NKAIN2: variants seen among roughly 807,000 people sequenced by gnomAD.
NKAIN2 encodes the protein sodium/potassium transporting ATPase interacting 2, also known as sodium/potassium-transporting ATPase subunit beta-1-interacting protein 2.
Under a neutral mutation model 32.6 loss-of-function variants are expected in NKAIN2, and 14 were observed. The observed-to-expected ratio is 0.43, with a 90% CI of 0.28 to 0.67. The LOEUF is 0.67. NKAIN2 is among the 30% of genes least tolerant of loss of function. The pLI is 0.17. For synonymous variants in NKAIN2, 80 were observed against 87.2 expected (o/e 0.92, Z 0.46); for missense variants, 198 against 258.3 (o/e 0.77, Z 1.60).
chr6:124,013,129 G>A (rs1780412820), intron 1 of NKAIN2, among the ~76,000 whole-genome samples: 2 of 151,946 alleles, frequency 1.3e-5, no homozygotes, highest in African/African-American at 2.4e-5. Context: ...GACTTTCCTG[G>A]TAAATTGTTT....
intron 1 of NKAIN2, among the ~76,000 whole-genome samples, chr6:124,270,224 A>G (rs1317746290): frequency 2.6e-5 from 4 of 152,184 alleles, no homozygotes; most frequent in Non-Finnish European, 5.9e-5. Context: ...ACTGCCTCAA[A>G]TGGGTGGAGG....
At chr6:124,796,770 T>C (rs1384250874) in intron 5 of NKAIN2, among the ~76,000 whole-genome samples, 1 of 152,160 alleles carries the variant, frequency 6.6e-6, no homozygotes, top group Non-Finnish European at 1.5e-5. Flanking sequence ...ATATATTTGT[T>C]CATGAAAAGG....
chr6:124,105,112 A>G (rs1289576685), intron 1 of NKAIN2, among the ~76,000 whole-genome samples: 1 of 152,228 alleles, frequency 6.6e-6, no homozygotes, highest in Non-Finnish European at 1.5e-5. Context: ...AGGATGATAT[A>G]GCCGTGTGTG....
intron 1 of NKAIN2, among the ~76,000 whole-genome samples, chr6:124,124,344 A>G (rs2114994207): frequency 7.8e-6 from 1 of 128,550 alleles, no homozygotes; most frequent in East Asian, 2.4e-4. Flanking sequence ...TGAAGAGTAT[A>G]TAAATTATTG....
chr6:124,125,650 G>A (rs1430494922), intron 1 of NKAIN2, among the ~76,000 whole-genome samples: 1 of 152,126 alleles, frequency 6.6e-6, no homozygotes, highest in African/African-American at 2.4e-5. Context: ...CAAGCCACAT[G>A]TTATCTGTAC....
At chr6:124,309,562 ATAT>A (rs1232015107) in intron 2 of NKAIN2, among the ~76,000 whole-genome samples, 10 of 152,128 alleles carry the variant, frequency 6.6e-5, no homozygotes, top group African/African-American at 2.4e-4. Context: ...TTAATTTAGC[ATAT>A]TATTTAAATA....
At chr6:124,593,879 G>A (rs1048709270) in intron 3 of NKAIN2, among the ~76,000 whole-genome samples, 1 of 151,984 alleles carries the variant, frequency 6.6e-6, no homozygotes, top group African/African-American at 2.4e-5. Flanking sequence ...CTTCTGTTTT[G>A]GCAACTAGGT....
chr6:124,135,178 C>A (rs1157534211), intron 1 of NKAIN2, among the ~76,000 whole-genome samples: 2 of 151,050 alleles, frequency 1.3e-5, no homozygotes, highest in African/African-American at 2.4e-5. Context: ...CCTCCTTGAA[C>A]CGTAAATCTC....
intron 1 of NKAIN2, among the ~76,000 whole-genome samples, chr6:124,267,497 A>AC (rs1298152949): frequency 2.0e-5 from 3 of 151,824 alleles, no homozygotes; most frequent in African/African-American, 7.3e-5. Flanking sequence ...AAAAAAAAAA[A>AC]AAAAAGAGAA....
chr6:124,162,463 T>C (rs1009738778), intron 1 of NKAIN2, among the ~76,000 whole-genome samples: 2 of 152,242 alleles, frequency 1.3e-5, no homozygotes, highest in South Asian at 4.1e-4. Flanking sequence ...GGCACAGATA[T>C]GGTACAGCAT....
chr6:124,300,970 T>C (rs1050016677), intron 2 of NKAIN2, among the ~76,000 whole-genome samples: 1 of 152,166 alleles, frequency 6.6e-6, no homozygotes, highest in Non-Finnish European at 1.5e-5. Flanking sequence ...GAAATTTGCA[T>C]AAGTAACAAG....
At chr6:124,703,656 A>G (rs910407553) in intron 4 of NKAIN2, among the ~76,000 whole-genome samples, 12 of 152,058 alleles carry the variant, frequency 7.9e-5, no homozygotes, top group African/African-American at 2.7e-4. Flanking sequence ...CCACGAGCAC[A>G]AGCCTAGTCA....
chr6:124,605,151 ACT>A (rs886755353), intron 3 of NKAIN2, among the ~76,000 whole-genome samples: 2 of 152,050 alleles, frequency 1.3e-5, no homozygotes, highest in African/African-American at 4.8e-5. Flanking sequence ...CAGTGTTATG[ACT>A]CTGAAAATTA....
At chr6:124,709,756 T>C (rs1212694504) in intron 4 of NKAIN2, among the ~76,000 whole-genome samples, 1 of 151,712 alleles carries the variant, frequency 6.6e-6, no homozygotes. Context: ...AGTCTATCAA[T>C]TTTATTGATC....
At position 124,097,374 on chromosome 6, in the gene NKAIN2, G is replaced by A. The variant is rs542744876; in HGVS notation, c.55-185631G>A. ...GCCGACATCGCGCCACTGCACTCTGGCCTGGCAACAGAGCAAGACTTCGTC... is the reference window on the plus strand; with the variant it reads ...GCCGACATCGCGCCACTGCACTCTGACCTGGCAACAGAGCAAGACTTCGTC... On this transcript the variant is annotated intron_variant, in intron 1 of 6. Coordinates refer to ENST00000368417, the MANE Select transcript of NKAIN2 (RefSeq NM_001040214.3). Among the ~76,000 whole-genome samples the A allele has an allele frequency of 3.0e-3, 453 of 149,396 alleles. 3 individuals carry two copies. Among genetic ancestry groups the A allele is most frequent in the Middle Eastern group, 0.01 (3 of 290 alleles).
intron 3 of NKAIN2, among the ~76,000 whole-genome samples, chr6:124,370,268 A>T (rs2114321043): frequency 6.6e-6 from 1 of 151,682 alleles, no homozygotes; most frequent in South Asian, 2.1e-4. Flanking sequence ...AAATTTCGAA[A>T]TATTTAAGTT....
chr6:124,678,984 C>A (rs1370263647), intron 4 of NKAIN2, among the ~76,000 whole-genome samples: 1 of 152,022 alleles, frequency 6.6e-6, no homozygotes, highest in East Asian at 1.9e-4. Flanking sequence ...AGTTTGTGTT[C>A]TTTCACTCCC....
At chr6:124,259,291 G>A (rs142458166) in intron 1 of NKAIN2, among the ~76,000 whole-genome samples, 403 of 152,262 alleles carry the variant, frequency 2.6e-3, no homozygotes, top group African/African-American at 9.2e-3. Context: ...TAAACAGAAA[G>A]CAGAGAGGGG....
intron 3 of NKAIN2, among the ~76,000 whole-genome samples, chr6:124,501,826 T>C (rs1345488474): frequency 6.6e-6 from 1 of 152,110 alleles, no homozygotes; most frequent in Non-Finnish European, 1.5e-5. Context: ...ATGGTAATAT[T>C]CTCCTTCCCT....
Sources: allele counts gnomAD v4.1 joint callset (sites outside exome capture counted in the v4.1 genomes callset), GRCh38; gene constraint gnomAD v4.1.1; transcripts MANE v1.5; gene names NCBI Gene and HGNC (gene_info 2026-07-23, HGNC 2026-07-21).